Variants in NUDCD3 observed in about 807,000 individuals in gnomAD.
The protein encoded by NUDCD3 is nudC domain-containing protein 3.
In NUDCD3, 13 loss-of-function variants were observed where a neutral mutation model predicts 39.7. The ratio of observed to expected loss-of-function variants is 0.33; its 90% confidence interval spans 0.21 to 0.52. The LOEUF is 0.52. NUDCD3 is among the 20% of genes least tolerant of loss of function. NUDCD3 has a pLI of 0.96. For missense variants in NUDCD3, 453 were observed against 458.1 expected (o/e 0.99, Z 0.10); for synonymous variants, 175 against 172.4 (o/e 1.02, Z -0.12).
chr7:44,411,374 TGTATCTGACAAGGGTGTA>T (rs1798921129), intron 3 of NUDCD3, among the ~76,000 whole-genome samples: 1 of 152,148 alleles, frequency 6.6e-6, no homozygotes, highest in Non-Finnish European at 1.5e-5. Context: ...CTGCAAATAA[TGTATCTGACAAGGGTGTA>T]GTATCCAGAA....
chr7:44,434,360 C>T (rs898179496), intron 2 of NUDCD3, among the ~76,000 whole-genome samples: 6 of 152,176 alleles, frequency 3.9e-5, no homozygotes, highest in Non-Finnish European at 8.8e-5. Flanking sequence ...CCAGTCACTA[C>T]TCCCAGGCTT....
At chr7:44,454,136 A>G (rs1799846685) in intron 2 of NUDCD3, among the ~76,000 whole-genome samples, 1 of 152,086 alleles carries the variant, frequency 6.6e-6, no homozygotes, top group Non-Finnish European at 1.5e-5. Context: ...TCAGGAGATC[A>G]AGACCATCCT....
chr7:44,427,661 A>C lies in NUDCD3; in HGVS notation c.552T>G (p.Gly184=). Residue 184 remains glycine (G), a synonymous_variant, in exon 3 of 6, where the codon GGT becomes GGG. Transcript: ENST00000355451. ...QFQKNPDSYN[G]AVRENYTWSQ... ...ACCAGGTGTAGTTCTCTCGGACAGC[A>C]CCATTGTAACTGTCGGGATTTTTCT... 6.2e-7 allele frequency: 1 copy of C among 1,613,610 alleles called. No individual in the cohort carries two copies. The highest frequency in any genetic ancestry group is 8.5e-7 in the Non-Finnish European group (1 of 1,179,776).
chr7:44,383,837 C>T lies in NUDCD3; in HGVS notation c.*2174G>A, dbSNP rs148762269. ...GTGGTGGCTCAGGGCAGAGAATCACCCACCAGACAGCGTGGCTCAACGGGA... is the reference window on the plus strand; with the variant it reads ...GTGGTGGCTCAGGGCAGAGAATCACTCACCAGACAGCGTGGCTCAACGGGA... On this transcript the variant is annotated 3_prime_UTR_variant, in exon 6 of 6. Transcript: ENST00000355451. 1 of 152,374 alleles carries T rather than the reference C, an allele frequency of 6.6e-6. No homozygotes were observed. Among genetic ancestry groups the T allele is most frequent in the African/African-American group, 2.4e-5 (1 of 41,558 alleles). 9.4% of individuals were successfully genotyped at this position (152,374 alleles called of 1,614,324 possible). A position where few individuals can be genotyped will look rare whatever the true frequency, so the allele number is the denominator to read the frequency against.
At chr7:44,460,304 T>C (rs1354676375) in intron 2 of NUDCD3, among the ~76,000 whole-genome samples, 1 of 152,224 alleles carries the variant, frequency 6.6e-6, no homozygotes, top group African/African-American at 2.4e-5. Flanking sequence ...GAAAATGTAA[T>C]CTTTCTATAA....
rs548179608 is a variant in NUDCD3 at position 44,476,705 on chromosome 7, G to A, written c.509+8263C>T. Among the ~76,000 whole-genome samples, 30 of 152,272 alleles carry A rather than the reference G, an allele frequency of 2.0e-4. No homozygotes were observed. In the South Asian group the frequency reaches 5.6e-3, roughly 28 times the overall value. The stretch of plus-strand genomic sequence containing the variant: ...GAAGAGGTACTAAGAAATGGAATTC[G>A]GCATGCACTGGGGGGGTCATCTCAC... On this transcript the variant is annotated intron_variant, in intron 2 of 5. Transcript: ENST00000355451.
chr7:44,434,977 T>C (rs1251426207), intron 2 of NUDCD3, among the ~76,000 whole-genome samples: 3 of 152,228 alleles, frequency 2.0e-5, no homozygotes, highest in Non-Finnish European at 4.4e-5. Context: ...CTTTAGAAAG[T>C]CTTTGGCTAT....
At chr7:44,429,121 C>A (rs1799298942) in intron 2 of NUDCD3, among the ~76,000 whole-genome samples, 1 of 152,182 alleles carries the variant, frequency 6.6e-6, no homozygotes, top group Non-Finnish European at 1.5e-5. Flanking sequence ...TGTGGGTATG[C>A]CCTGCACACT....
rs549170061 is a variant in NUDCD3 at position 44,386,032 on chromosome 7, G to A, written c.1065C>T (p.Ser355=). Residue 355 remains serine, a synonymous_variant, in exon 6 of 6, where the codon TCC becomes TCT. Coordinates refer to ENST00000355451, the MANE Select transcript of NUDCD3 (RefSeq NM_015332.4). ...GTCATTAAAACTGCACAGCCCCCGG[G>A]GAGATGTTGAACATGGCAGGGTCGA... ...QRFDPAMFNI[S]PGAVQF 6.4e-6 allele frequency: 10 copies of A among 1,556,704 alleles called. No homozygotes were observed. In the South Asian group the frequency reaches 6.7e-5, roughly 10 times the overall value.
rs1798315232 is a variant in NUDCD3 at position 44,382,155 on chromosome 7, G to A, written c.*3856C>T. ...GGGGGGGTTTCTTCCCTCCCTCTGA[G>A]GTAAGACCAATCTGTTAAACTTTCA... On this transcript the variant is annotated 3_prime_UTR_variant, in exon 6 of 6. Coordinates refer to ENST00000355451, the MANE Select transcript of NUDCD3 (RefSeq NM_015332.4). 2 of 152,076 alleles carry A rather than the reference G, an allele frequency of 1.3e-5. No homozygotes were observed. The highest frequency in any genetic ancestry group is 6.6e-5 in the Admixed American group (1 of 15,264). 9.4% of individuals were successfully genotyped at this position (152,076 alleles called of 1,614,324 possible).
chr7:44,469,587 C>T (rs1325773554), intron 2 of NUDCD3, among the ~76,000 whole-genome samples: 1 of 152,102 alleles, frequency 6.6e-6, no homozygotes, highest in Non-Finnish European at 1.5e-5. Flanking sequence ...CCACAAGATA[C>T]TTATTAATTA....
chr7:44,404,163 T>G (rs904865947), intron 4 of NUDCD3, among the ~76,000 whole-genome samples: 4 of 152,190 alleles, frequency 2.6e-5, no homozygotes, highest in African/African-American at 9.7e-5. Context: ...CTGTAAAAAT[T>G]CAACCTAGCT....
chr7:44,437,420 G>T (rs539680938), intron 2 of NUDCD3, among the ~76,000 whole-genome samples: 4 of 152,212 alleles, frequency 2.6e-5, no homozygotes, highest in African/African-American at 9.6e-5. Context: ...CTCTCAATAA[G>T]TTGTACCAGA....
At chr7:44,466,948 G>C (rs1049847201) in intron 2 of NUDCD3, among the ~76,000 whole-genome samples, 2 of 152,240 alleles carry the variant, frequency 1.3e-5, no homozygotes, top group Non-Finnish European at 2.9e-5. Flanking sequence ...CATGGGAAGA[G>C]AGCACTGGCC....
chr7:44,426,795 CAAAAAAAAAAA>C (rs777817601), intron 3 of NUDCD3, among the ~76,000 whole-genome samples: 6 of 54,758 alleles, frequency 1.1e-4, no homozygotes, highest in Non-Finnish European at 1.9e-4. Flanking sequence ...GACTCCGTCT[CAAAAAAAAAAA>C]AAAAAAAAAA....
At chr7:44,466,847 G>A (rs1009386835) in intron 2 of NUDCD3, among the ~76,000 whole-genome samples, 2 of 152,202 alleles carry the variant, frequency 1.3e-5, no homozygotes, top group Non-Finnish European at 2.9e-5. Flanking sequence ...AAACACCCCC[G>A]CTTCCCATGA....
intron 3 of NUDCD3, among the ~76,000 whole-genome samples, chr7:44,414,514 T>C (rs970738675): frequency 2.0e-5 from 3 of 152,222 alleles, no homozygotes; most frequent in African/African-American, 7.2e-5. Flanking sequence ...TACTTGATTA[T>C]ACATGCATAA....
Position 44,490,557 on chromosome 7 carries a change from C to T in NUDCD3, c.44G>A (p.Gly15Asp). The T allele has an allele frequency of 6.2e-7, 1 of 1,611,996 alleles. No homozygotes were observed. The highest frequency in any genetic ancestry group is 1.1e-5 in the South Asian group (1 of 90,774). ...GACGTTGCCCACGTGCTGCAGGATG[C>T]CCAAAAGGGCCTGGTCATACAGCTC... ...AAELYDQALL[G>D]ILQHVGNVQD... Residue 15 changes from glycine to aspartate, a missense_variant, in exon 1 of 6, where the codon GGC (glycine) becomes GAC (aspartate). By Grantham distance (94) the Gly-to-Asp change is moderately conservative. Coordinates refer to ENST00000355451, the MANE Select transcript of NUDCD3 (RefSeq NM_015332.4).
intron 3 of NUDCD3, among the ~76,000 whole-genome samples, chr7:44,417,885 T>C (rs1236972766): frequency 6.6e-6 from 1 of 152,102 alleles, no homozygotes; most frequent in Non-Finnish European, 1.5e-5. Context: ...AGAGATATAC[T>C]GGGGATGTGG....
Sources: allele counts gnomAD v4.1 joint callset (sites outside exome capture counted in the v4.1 genomes callset), GRCh38; gene constraint gnomAD v4.1.1; transcripts MANE v1.5; gene names NCBI Gene and HGNC (gene_info 2026-07-23, HGNC 2026-07-21).